The following ALMS1 variants were observed in gnomAD, a reference collection of about 807,000 sequenced individuals.
The protein encoded by ALMS1 is ALMS1 centrosome and basal body associated protein.
In ALMS1, 271 loss-of-function variants were observed where a neutral mutation model predicts 352.2. The ratio of observed to expected loss-of-function variants is 0.77; its 90% confidence interval spans 0.70 to 0.85. The LOEUF (loss-of-function observed/expected upper bound fraction) is 0.85. ALMS1 is among the 40% of genes least tolerant of loss of function. The probability of loss-of-function intolerance (pLI) is 0.00; values close to 1 mark genes in which losing one functional copy is unlikely to be tolerated. For missense variants in ALMS1, 5,445 were observed against 4,870.7 expected, an observed-to-expected ratio of 1.12 and a Z score of -3.51; for synonymous variants, 1,865 against 1,761.2, an observed-to-expected ratio of 1.06 and a Z score of -1.48.
intron 9 of ALMS1, among the ~76,000 whole-genome samples, chr2:73,475,448 G>A (rs1250999212): frequency 2.0e-5 from 3 of 151,936 alleles, no homozygotes; most frequent in African/African-American, 4.8e-5. Context: ...TATTTATTGT[G>A]TTTTTTACCT....
intron 16 of ALMS1, among the ~76,000 whole-genome samples, chr2:73,585,301 T>A (rs2104143437): frequency 6.6e-6 from 1 of 152,256 alleles, no homozygotes; most frequent in African/African-American, 2.4e-5. Flanking sequence ...TTTTATTTTT[T>A]ATTTTTTTAT....
chr2:73,596,274 G>T (rs1310225190), intron 16 of ALMS1, among the ~76,000 whole-genome samples: 3 of 152,094 alleles, frequency 2.0e-5, no homozygotes, highest in Admixed American at 1.3e-4. Flanking sequence ...TCCATTTTTA[G>T]TGCATTTTTT....
chr2:73,573,580 G>C (rs1674991401), intron 16 of ALMS1, 156 bp downstream of exon 16: 1 of 766,682 alleles, frequency 1.3e-6, no homozygotes, highest in Admixed American at 2.1e-5. Context: ...GTAGTACAGT[G>C]CTATTGTGAG....
chr2:73,414,379 T>TA (rs969233355), intron 2 of ALMS1, among the ~76,000 whole-genome samples: 1 of 127,146 alleles, frequency 7.9e-6, no homozygotes, highest in Admixed American at 8.1e-5. Flanking sequence ...GTAGCTTTTT[T>TA]AAAAAAATAT....
chr2:73,541,285 C>T (rs994140603), intron 12 of ALMS1, among the ~76,000 whole-genome samples: 5 of 152,218 alleles, frequency 3.3e-5, no homozygotes, highest in South Asian at 2.1e-4. Context: ...GGGTACATAA[C>T]GAAATGAAGG....
intron 9 of ALMS1, among the ~76,000 whole-genome samples, chr2:73,464,567 T>A (rs1672287204): frequency 6.6e-6 from 1 of 152,160 alleles, no homozygotes; most frequent in Non-Finnish European, 1.5e-5. Flanking sequence ...ACCACTCCTA[T>A]TCAACATAGT....
At chr2:73,421,023 C>T (rs1243978263) in intron 3 of ALMS1, among the ~76,000 whole-genome samples, 2 of 152,146 alleles carry the variant, frequency 1.3e-5, no homozygotes, top group African/African-American at 2.4e-5. Flanking sequence ...ACCACCTTCC[C>T]ATCACACACA....
At chr2:73,386,498 C>T (rs1396139277) in intron 1 of ALMS1, among the ~76,000 whole-genome samples, 1 of 152,134 alleles carries the variant, frequency 6.6e-6, no homozygotes, top group African/African-American at 2.4e-5. Flanking sequence ...TGTGTCGAGC[C>T]TTGAAGGAGG....
At chr2:73,403,973 C>T (rs1337105937) in intron 1 of ALMS1, among the ~76,000 whole-genome samples, 2 of 152,180 alleles carry the variant, frequency 1.3e-5, no homozygotes, top group Non-Finnish European at 2.9e-5. Context: ...GATCCCTGCT[C>T]ACTGCAACCT....
In ALMS1 at chr2:73,489,909, T is replaced by C. The variant is rs1672939273; in HGVS notation, c.7950T>C (p.Ser2650=). 1.2e-6 allele frequency: 2 copies of C among 1,614,076 alleles called. No homozygotes were observed. Among genetic ancestry groups the C allele is most frequent in the African/African-American group, 1.3e-5 (1 of 74,920 alleles). The change falls in exon 10 of 23, where the codon AGT becomes AGC. Residue 2650 remains serine (S), a synonymous_variant. Coordinates refer to ENST00000613296, the MANE Select transcript of ALMS1 (RefSeq NM_001378454.1). The part of the protein sequence containing the change: ...FKVWNSLQLK[S]HSPFQNFIPD... ...TTTGGAATTCCTTGCAGTTAAAAAG[T>C]CATTCCCCATTTCAGAACTTTATAC...
chr2:73,552,954 C>T (rs1461587394), intron 13 of ALMS1, among the ~76,000 whole-genome samples: 1 of 152,020 alleles, frequency 6.6e-6, no homozygotes, highest in Non-Finnish European at 1.5e-5. Flanking sequence ...ACATTCAAAG[C>T]AGGTATTCTG....
chr2:73,596,265 C>T (rs1675544547), intron 16 of ALMS1, among the ~76,000 whole-genome samples: 1 of 152,070 alleles, frequency 6.6e-6, no homozygotes, highest in Admixed American at 6.6e-5. Context: ...GGTCTGAAAT[C>T]CATTTTTAGT....
At position 73,573,138 on chromosome 2, in the gene ALMS1, T is replaced by C. The variant is rs1037752258; in HGVS notation, c.11261T>C (p.Leu3754Pro). The C allele has an allele frequency of 4.3e-6, 7 of 1,613,922 alleles. No homozygotes were observed. The East Asian group carries it at 1.6e-4, about 36-fold the overall frequency. Residue 3754 changes from leucine (L) to proline (P), a missense_variant, in exon 16 of 23, where the codon CTT becomes CCT. Leu to Pro is a moderately conservative substitution (Grantham distance 98). Coordinates refer to ENST00000613296, the MANE Select transcript of ALMS1 (RefSeq NM_001378454.1). Reference sequence around the variant, plus strand: ...CTCACAGATACTACCACCAACATCCTTTCCGGCACCACTTCTACTGTCGAA... The same window carrying C: ...CTCACAGATACTACCACCAACATCCCTTCCGGCACCACTTCTACTGTCGAA... ...ELLTDTTTNI[L>P]SGTTSTVESD...
chr2:73,490,316 C>T lies in ALMS1; in HGVS notation c.8357C>T (p.Thr2786Ile). Residue 2786 changes from threonine (T) to isoleucine (I), a missense_variant, in exon 10 of 23, where the codon ACT becomes ATT. Coordinates refer to ENST00000613296, the MANE Select transcript of ALMS1 (RefSeq NM_001378454.1). ...AGTAATTCACAAGATAAAGAAGTGA[C>T]TATTTTAGCAGAAGGTAGAAGGCAA... ...MHSNSQDKEVTILAEGRRQSQ... is the reference protein window; with the variant it reads ...MHSNSQDKEVIILAEGRRQSQ... The T allele has an allele frequency of 6.2e-7, 1 of 1,611,574 alleles. No homozygotes were observed. The highest frequency in any genetic ancestry group is 8.5e-7 in the Non-Finnish European group (1 of 1,178,934).
Position 73,449,291 on chromosome 2 carries a change from C to G in ALMS1, c.2764C>G (p.Leu922Val), listed in dbSNP as rs143885319. 6.2e-7 allele frequency: 1 copy of G among 1,613,852 alleles called. No homozygotes were observed. The highest frequency in any genetic ancestry group is 1.1e-5 in the South Asian group (1 of 91,064). ...EKPIIFSQQT[L>V]PDFLFPEEAL... ...GCCCATTATTTTTTCCCAGCAGACC[C>G]TGCCAGACTTTCTTTTCCCTGAAGA... Residue 922 changes from leucine (L) to valine (V), a missense_variant, in exon 8 of 23, where the codon CTG (leucine) becomes GTG (valine). Physicochemically the swap from Leu to Val is conservative, Grantham distance 32. Transcript: ENST00000613296.
intron 2 of ALMS1, among the ~76,000 whole-genome samples, chr2:73,409,053 A>AT (rs1158877265): frequency 1.3e-5 from 2 of 151,218 alleles, no homozygotes; most frequent in Non-Finnish European, 2.9e-5. Flanking sequence ...TTTTTAAAAA[A>AT]TTTTTTATAG....
At chr2:73,542,663 A>G (rs1674213148) in intron 12 of ALMS1, among the ~76,000 whole-genome samples, 1 of 152,244 alleles carries the variant, frequency 6.6e-6, no homozygotes, top group South Asian at 2.1e-4. Flanking sequence ...AACTTCAGCA[A>G]AGTCACAGGA....
intron 11 of ALMS1, among the ~76,000 whole-genome samples, chr2:73,530,067 C>G (rs1256340231): frequency 6.6e-6 from 1 of 152,142 alleles, no homozygotes; most frequent in Non-Finnish European, 1.5e-5. Context: ...TATTATTCCA[C>G]TCCTGGCCCC....
At chr2:73,576,468 T>C (rs1460860344) in intron 16 of ALMS1, among the ~76,000 whole-genome samples, 2 of 152,048 alleles carry the variant, frequency 1.3e-5, no homozygotes, top group East Asian at 3.8e-4. Context: ...TTATTAACTC[T>C]TTTTTTGTGT....
Sources: gnomAD v4.1 joint callset for allele counts (sites outside exome capture counted in the v4.1 genomes callset) on GRCh38, gnomAD v4.1.1 for gene constraint, MANE v1.5 for transcripts, NCBI Gene and HGNC (gene_info 2026-07-23, HGNC 2026-07-21) for gene names.